The following METTL14 variants were observed in gnomAD, a reference collection of about 807,000 sequenced individuals.
METTL14 encodes N(6)-adenosine-methyltransferase non-catalytic subunit METTL14.
In METTL14, 32 loss-of-function variants were observed where a neutral mutation model predicts 62.4. The ratio of observed to expected loss-of-function variants is 0.51; its 90% CI spans 0.39 to 0.69. The LOEUF (loss-of-function observed/expected upper bound fraction) is 0.69. Ranked by LOEUF, METTL14 falls within the 30% of genes least tolerant of loss-of-function variation. METTL14 has a pLI of 0.00. For missense variants in METTL14, 340 were observed against 551.9 expected (o/e 0.62, Z 3.85); for synonymous variants, 150 against 180.0 (o/e 0.83, Z 1.34).
chr4:118,694,312 T>G, intron 5 of METTL14, 124 bp from the exon 6 acceptor site: 1 of 617,488 alleles, frequency 1.6e-6, no homozygotes, highest in Non-Finnish European at 2.8e-6. Context: ...TTAAGCTTCC[T>G]TAAAAGATAT....
chr4:118,700,550 A>G lies in METTL14; in HGVS notation c.646A>G (p.Ile216Val). The G allele has an allele frequency of 6.2e-7, 1 of 1,610,056 alleles. No homozygotes were observed. The highest frequency in any genetic ancestry group is 2.2e-5 in the East Asian group (1 of 44,726). The part of the protein sequence containing the change: ...ANEKCWTWDD[I>V]MKLEIDEIAA... ...GCAATATCGTTTTGATTTCTTACAG[A>G]TTATGAAGTTAGAAATTGATGAGAT... The change falls in exon 8 of 11, where the codon ATT becomes GTT. Residue 216 changes from isoleucine to valine, a missense_variant and splice_region_variant. Ile to Val is a conservative substitution (Grantham distance 29). This residue lies in a region of METTL14 where 58 missense variants were observed against 147.5 expected (regional missense o/e 0.39). Coordinates refer to ENST00000388822, the MANE Select transcript of METTL14 (RefSeq NM_020961.4).
chr4:118,712,622 A>AC lies in METTL14; in HGVS notation c.*2320_*2321insC, dbSNP rs1435308010. On this transcript the variant is annotated 3_prime_UTR_variant, in exon 11 of 11. Transcript: ENST00000388822. ...GCGACAGAGTGAGACTCTGTCTCAA[A>AC]AAAAAAAAAAAAAATTGTATAGAAA... 6.7e-6 allele frequency: 1 copy of AC among 149,300 alleles called. No homozygotes were observed. The highest frequency in any genetic ancestry group is 2.5e-5 in the African/African-American group (1 of 40,674). 9.2% of individuals were successfully genotyped at this position (149,300 alleles called of 1,614,324 possible).
intron 1 of METTL14, chr4:118,686,411 T>C (rs1724061417): frequency 5.8e-6 from 2 of 344,588 alleles, no homozygotes; most frequent in Admixed American, 3.9e-5. Flanking sequence ...TTTTCCATTC[T>C]ACTATTCAGA....
In METTL14 at chr4:118,711,706, AC is replaced by A. The variant is rs1320723186; in HGVS notation, c.*1405del. ...GCTTAACCCATTAGTACTATCTAGT[AC>A]AAGACCCCTTTTTTTTTGCTGAAAT... On this transcript the variant is annotated 3_prime_UTR_variant, in exon 11 of 11. Transcript: ENST00000388822. 2.6e-5 allele frequency: 4 copies of A among 152,132 alleles called. No homozygotes were observed. Among genetic ancestry groups the A allele is most frequent in the African/African-American group, 9.7e-5 (4 of 41,370 alleles). The allele number at this position is 152,132 out of a possible 1,614,324, so 9.4% of individuals were successfully genotyped here. A position where few individuals can be genotyped will look rare whatever the true frequency, so the allele number is the denominator to read the frequency against.
rs1439735173 is a variant in METTL14 at position 118,692,081 on chromosome 4, T to C, written c.412+13T>C. 6.6e-7 allele frequency: 1 copy of C among 1,524,024 alleles called. No homozygotes were observed. Among genetic ancestry groups the C allele is most frequent in the Non-Finnish European group, 9.0e-7 (1 of 1,105,532 alleles). 94.4% of individuals were successfully genotyped at this position (1,524,024 alleles called of 1,614,324 possible). ...ATCAGGGATGTAGGTATGTCAGGTTTGTTTGGACTACGCTATTGCTGACTC... is the reference window on the plus strand; with the variant it reads ...ATCAGGGATGTAGGTATGTCAGGTTCGTTTGGACTACGCTATTGCTGACTC... On this transcript the variant is annotated intron_variant, in intron 5 of 10. Coordinates refer to ENST00000388822, the MANE Select transcript of METTL14 (RefSeq NM_020961.4).
chr4:118,706,463 T>C (rs1724758673), intron 10 of METTL14, among the ~76,000 whole-genome samples: 5 of 152,242 alleles, frequency 3.3e-5, no homozygotes, highest in Admixed American at 3.3e-4. Context: ...TTCCATTGGA[T>C]GTACCGCAGT....
In METTL14 at chr4:118,711,424, T is replaced by C. The variant is rs1312889092; in HGVS notation, c.*1122T>C. The C allele has an allele frequency of 1.3e-5, 2 of 152,256 alleles. No individual in the cohort carries two copies. The highest frequency in any genetic ancestry group is 4.8e-5 in the African/African-American group (2 of 41,470). The allele number at this position is 152,256 out of a possible 1,614,324, so 9.4% of individuals were successfully genotyped here. ...AATACTTTTCTTATTTTTATGATTT[T>C]TCTAATGAAACTTTAAACTTTTGAG... On this transcript the variant is annotated 3_prime_UTR_variant, in exon 11 of 11. Transcript: ENST00000388822.
At chr4:118,695,002 T>G (rs1724365444) in intron 6 of METTL14, among the ~76,000 whole-genome samples, 1 of 137,856 alleles carries the variant, frequency 7.3e-6, no homozygotes, top group Non-Finnish European at 1.7e-5. Flanking sequence ...TGGCTAATTT[T>G]TGTATTTTTA....
At chr4:118,695,230 G>A (rs865975465) in intron 6 of METTL14, among the ~76,000 whole-genome samples, 2 of 152,188 alleles carry the variant, frequency 1.3e-5, no homozygotes, top group African/African-American at 4.8e-5. Context: ...TTTGCTTAAA[G>A]TGCCTCTAAA....
At chr4:118,698,486 A>G (rs968762936) in intron 7 of METTL14, among the ~76,000 whole-genome samples, 14 of 150,944 alleles carry the variant, frequency 9.3e-5, no homozygotes, top group African/African-American at 2.9e-4. Flanking sequence ...AATTTTGGAA[A>G]AAGGAGAGCA....
chr4:118,688,976 A>T (rs1724160992), intron 2 of METTL14, among the ~76,000 whole-genome samples: 1 of 152,156 alleles, frequency 6.6e-6, no homozygotes, highest in Non-Finnish European at 1.5e-5. Flanking sequence ...CCAGCCTAAA[A>T]ATTTTTATAA....
chr4:118,700,442 C>A lies in METTL14; in HGVS notation c.646-108C>A, dbSNP rs953244316. 4 of 776,888 alleles carry A rather than the reference C, an allele frequency of 5.1e-6. No homozygotes were observed. In the South Asian group the frequency reaches 5.3e-5, roughly 10 times the overall value. The allele number at this position is 776,888 out of a possible 1,614,324, so 48.1% of individuals were successfully genotyped here. A position where few individuals can be genotyped will look rare whatever the true frequency, so the allele number is the denominator to read the frequency against. On this transcript the variant is annotated intron_variant, in intron 7 of 10. Coordinates refer to ENST00000388822, the MANE Select transcript of METTL14 (RefSeq NM_020961.4). ...TGTTAGTTCCTAATGGAAACTAATACACTTAAAGAACACATCTATCCTAAT... is the reference window on the plus strand; with the variant it reads ...TGTTAGTTCCTAATGGAAACTAATAAACTTAAAGAACACATCTATCCTAAT...
intron 8 of METTL14, 67 bp from the exon 9 acceptor site, chr4:118,703,868 T>C: frequency 1.1e-6 from 1 of 886,698 alleles, no homozygotes; most frequent in African/African-American, 1.7e-5. Flanking sequence ...TAATGCTGGT[T>C]GTTATTGTTA....
chr4:118,687,827 G>T (rs1046487572), intron 1 of METTL14, 96 bp from the exon 2 acceptor site: 33 of 857,002 alleles, frequency 3.9e-5, no homozygotes, highest in Non-Finnish European at 5.4e-5. Flanking sequence ...AGGTGTTTTT[G>T]TTTTTTAAGT....
At chr4:118,691,747 A>T in intron 4 of METTL14, 135 bp downstream of exon 4, 1 of 590,504 alleles carries the variant, frequency 1.7e-6, no homozygotes, top group Non-Finnish European at 2.9e-6. Context: ...AAGATTATTT[A>T]AAATTACTCA....
chr4:118,695,493 G>A (rs745415872), intron 6 of METTL14, among the ~76,000 whole-genome samples: 11 of 152,108 alleles, frequency 7.2e-5, no homozygotes, highest in Non-Finnish European at 1.2e-4. Flanking sequence ...AGGTTGCAGT[G>A]AGCCGAGATC....
rs988468672 is a variant in METTL14, at chr4:118,713,626, A to C, written c.*3324A>C. The C allele has an allele frequency of 6.6e-6, 1 of 152,214 alleles. No individual in the cohort carries two copies. The highest frequency in any genetic ancestry group is 2.4e-5 in the African/African-American group (1 of 41,466). 9.4% of individuals were successfully genotyped at this position (152,214 alleles called of 1,614,324 possible). On this transcript the variant is annotated 3_prime_UTR_variant, in exon 11 of 11. Transcript: ENST00000388822. The stretch of plus-strand genomic sequence containing the variant: ...TAGAAACATAAACCTTTGCTTATGC[A>C]GAAGGTCTTTCTTAGAACAATCCTG...
rs1419485243 is a variant in METTL14, at chr4:118,711,904, G to T, written c.*1602G>T. 1 of 152,094 alleles carries T rather than the reference G, an allele frequency of 6.6e-6. No homozygotes were observed. The highest frequency in any genetic ancestry group is 1.5e-5 in the Non-Finnish European group (1 of 68,034). The allele number at this position is 152,094 out of a possible 1,614,324, so 9.4% of individuals were successfully genotyped here. A position where few individuals can be genotyped will look rare whatever the true frequency, so the allele number is the denominator to read the frequency against. On this transcript the variant is annotated 3_prime_UTR_variant, in exon 11 of 11. Coordinates refer to ENST00000388822, the MANE Select transcript of METTL14 (RefSeq NM_020961.4). ...TCCTATACACAGGGCTCTCTATTAC[G>T]TTCCATACCCTGGGCCTACCCAAGG...
At chr4:118,692,091 A>G (rs781254414) in intron 5 of METTL14, 23 bp downstream of exon 5, 2 of 1,397,980 alleles carry the variant, frequency 1.4e-6, no homozygotes, top group South Asian at 1.2e-5. Context: ...TGTTTGGACT[A>G]CGCTATTGCT....
Sources: gnomAD v4.1 joint callset for allele counts (sites outside exome capture counted in the v4.1 genomes callset) on GRCh38, gnomAD v4.1.1 for gene constraint, gnomAD v4.1.1 regional missense constraint, MANE v1.5 for transcripts, NCBI Gene and HGNC (gene_info 2026-07-23, HGNC 2026-07-21) for gene names.